Variants in RBM4B observed in about 807,000 individuals in gnomAD.
RBM4B encodes RNA-binding protein 4B.
RBM4B carries 13 observed loss-of-function variants against 28.5 expected under a neutral mutation model. That is an observed-to-expected ratio of 0.46 (90% CI 0.30 to 0.72). The LOEUF (loss-of-function observed/expected upper bound fraction) is 0.72. Among genes scored for constraint, RBM4B ranks in the 30% least tolerant of loss-of-function variants. The pLI is 0.09. For synonymous variants in RBM4B, 167 were observed against 179.1 expected (o/e 0.93, Z 0.54); for missense variants, 387 against 477.6 (o/e 0.81, Z 1.77).
rs569776949 is a variant in RBM4B, at chr11:66,668,750, C to G, written c.954G>C (p.Glu318Asp). ...CACTCTCTGGCCCATAACCGTAGCC[C>G]TCTCCAACTGTGGGGAGCATGGCTG... ...RAAAMLPTVGEGYGYGPESEL... is the reference protein window; with the variant it reads ...RAAAMLPTVGDGYGYGPESEL... Residue 318 changes from glutamate to aspartate, a missense_variant, in exon 3 of 4, where the codon GAG becomes GAC. This residue lies in a region of RBM4B where 226 missense variants were observed against 220.6 expected (regional missense o/e 1.02). Transcript: ENST00000310046. 5 of 1,614,222 alleles carry G rather than the reference C, an allele frequency of 3.1e-6. No homozygotes were observed. Among genetic ancestry groups the G allele is most frequent in the Non-Finnish European group, 3.4e-6 (4 of 1,180,032 alleles).
intron 2 of RBM4B, chr11:66,675,794 C>G (rs1244338940): frequency 6.6e-6 from 1 of 152,192 alleles, no homozygotes. Flanking sequence ...CTCATGACTA[C>G]TGAGTGCTTG....
rs147572851 is a variant in RBM4B at position 66,676,745 on chromosome 11, T to C, written c.335A>G (p.Asp112Gly). The C allele has an allele frequency of 6.9e-4, 1,106 of 1,614,168 alleles. No homozygotes were observed. Among genetic ancestry groups the C allele is most frequent in the Admixed American group, 1.3e-3 (76 of 60,024 alleles). The change falls in exon 2 of 4, where the codon GAT (aspartate) becomes GGT (glycine). Residue 112 changes from aspartate to glycine, a missense_variant. Asp to Gly is a moderately conservative substitution (Grantham distance 94). This residue lies in a region of RBM4B where 161 missense variants were observed against 256.9 expected (regional missense o/e 0.63). Transcript: ENST00000310046. Reference protein sequence around the residue: ...GPVIECDIVKDYAFVHMERAE... With the variant: ...GPVIECDIVKGYAFVHMERAE... ...CCGCTCCATGTGTACGAAGGCATAA[T>C]CTTTCACGATGTCACATTCGATGAC...
chr11:66,665,998 ATG>A (rs1457519488), intron 3 of RBM4B: 1 of 1,468,064 alleles, frequency 6.8e-7, no homozygotes, highest in Non-Finnish European at 9.2e-7. Flanking sequence ...ACTATTCTAA[ATG>A]TGTTTTGTTT....
rs540635456 is a variant in RBM4B at position 66,665,486 on chromosome 11, T to C, written c.*102A>G. On this transcript the variant is annotated 3_prime_UTR_variant, in exon 4 of 4. Coordinates refer to ENST00000310046, the MANE Select transcript of RBM4B (RefSeq NM_031492.4). ...CAAACTCCTTTTGTTTACTGAAACA[T>C]GAAGCAATGGAAACATCCCGGCAAA... The C allele has an allele frequency of 2.0e-4, 185 of 930,450 alleles. 1 individual carries two copies. The South Asian group carries it at 2.4e-3, about 12-fold the overall frequency. 57.6% of individuals were successfully genotyped at this position (930,450 alleles called of 1,614,324 possible). A position where few individuals can be genotyped will look rare whatever the true frequency, so the allele number is the denominator to read the frequency against.
chr11:66,677,589 C>A (rs1055168200), intron 1 of RBM4B, 175 bp downstream of exon 1: 8 of 156,568 alleles, frequency 5.1e-5, no homozygotes, highest in African/African-American at 1.9e-4. Flanking sequence ...AACAAAGACT[C>A]GACCCGACCC....
At chr11:66,677,150 T>G (rs1939665153) in intron 1 of RBM4B, 59 bp from the exon 2 acceptor site, 1 of 1,565,280 alleles carries the variant, frequency 6.4e-7, no homozygotes, top group Non-Finnish European at 8.7e-7. Flanking sequence ...TTCGGTGCAC[T>G]GCAGCATTTT....
chr11:66,677,142 C>T, intron 1 of RBM4B, 51 bp from the exon 2 acceptor site: 5 of 1,577,550 alleles, frequency 3.2e-6, no homozygotes, highest in Non-Finnish European at 4.3e-6. Context: ...TGGGAAATTT[C>T]GGTGCACTGC....
intron 3 of RBM4B, 55 bp downstream of exon 3, chr11:66,668,560 G>A (rs1939335011): frequency 1.3e-5 from 19 of 1,424,430 alleles, no homozygotes; most frequent in Non-Finnish European, 1.8e-5. Context: ...TGAAGCATGG[G>A]TCTCTTTCAA....
intron 2 of RBM4B, among the ~76,000 whole-genome samples, chr11:66,672,176 G>T (rs1226923232): frequency 6.6e-6 from 1 of 151,868 alleles, no homozygotes; most frequent in African/African-American, 2.4e-5. Context: ...GGAGGCTGAG[G>T]TGAGCCAATC....
intron 2 of RBM4B, among the ~76,000 whole-genome samples, chr11:66,672,940 A>G (rs1294872733): frequency 1.3e-5 from 2 of 152,240 alleles, no homozygotes; most frequent in African/African-American, 4.8e-5. Flanking sequence ...AAGTAGGCCA[A>G]AAGCTTAAAA....
Position 66,668,746 on chromosome 11 carries a change from A to T in RBM4B, c.958T>A (p.Tyr320Asn). ...AATTCACTCTCTGGCCCATAACCGT[A>T]GCCCTCTCCAACTGTGGGGAGCATG... ...AAMLPTVGEGYGYGPESELSQ... is the reference protein window; with the variant it reads ...AAMLPTVGEGNGYGPESELSQ... Residue 320 changes from tyrosine (Y) to asparagine (N), a missense_variant, in exon 3 of 4, where the codon TAC becomes AAC. By Grantham distance (143) the Tyr-to-Asn change is moderately radical (BLOSUM62 -2). This residue lies in a region of RBM4B where 226 missense variants were observed against 220.6 expected (regional missense o/e 1.02). Coordinates refer to ENST00000310046, the MANE Select transcript of RBM4B (RefSeq NM_031492.4). The T allele has an allele frequency of 6.2e-7, 1 of 1,614,206 alleles. No homozygotes were observed. Among genetic ancestry groups the T allele is most frequent in the Non-Finnish European group, 8.5e-7 (1 of 1,180,032 alleles).
At position 66,676,493 on chromosome 11, in the gene RBM4B, G is replaced by A; in HGVS notation, c.412+175C>T. 4 of 741,238 alleles carry A rather than the reference G, an allele frequency of 5.4e-6. No individual in the cohort carries two copies. The Admixed American group carries it at 8.9e-5, about 16-fold the overall frequency. 45.9% of individuals were successfully genotyped at this position (741,238 alleles called of 1,614,324 possible). ...GCAACATCTTAGCAAACCTGAAAAG[G>A]GGAAGTGTTTGCTTCCCCAGGGGTA... is the stretch of plus-strand genomic sequence containing the variant. On this transcript the variant is annotated intron_variant, in intron 2 of 3. Coordinates refer to ENST00000310046, the MANE Select transcript of RBM4B (RefSeq NM_031492.4).
intron 3 of RBM4B, chr11:66,666,194 C>T (rs1016840313): frequency 4.7e-6 from 4 of 854,718 alleles, no homozygotes; most frequent in Non-Finnish European, 6.5e-6. Flanking sequence ...AGAAATCATT[C>T]CTAGAATTCT....
rs1939641804 is a variant in RBM4B at position 66,676,552 on chromosome 11, AT to A, written c.412+115del. 2.5e-6 allele frequency: 3 copies of A among 1,213,166 alleles called. No homozygotes were observed. The East Asian group carries it at 7.1e-5, about 29-fold the overall frequency. The allele number at this position is 1,213,166 out of a possible 1,614,324, so 75.2% of individuals were successfully genotyped here. ...TTAAGAGCGGTAAACATAATCTATT[AT>A]TTCCAGCTAAAACAGAATGGAAGAG... On this transcript the variant is annotated intron_variant, in intron 2 of 3. Transcript: ENST00000310046.
chr11:66,665,709 G>A, intron 3 of RBM4B, 131 bp from the exon 4 acceptor site: 1 of 1,441,776 alleles, frequency 6.9e-7, no homozygotes, highest in Non-Finnish European at 9.3e-7. Flanking sequence ...AAGTCAGACT[G>A]GATCTAACTC....
At position 66,669,078 on chromosome 11, in the gene RBM4B, A is replaced by C. The variant is rs375176983; in HGVS notation, c.626T>G (p.Met209Arg). ...TGCTCCATATGCATCGTTGTAATACATGGATTCCCCGTAGCCCATGGTGTA... is the reference window on the plus strand; with the variant it reads ...TGCTCCATATGCATCGTTGTAATACCTGGATTCCCCGTAGCCCATGGTGTA... ...TPYTMGYGES[M>R]YYNDAYGALD... The change falls in exon 3 of 4, where the codon ATG (methionine) becomes AGG (arginine). Residue 209 changes from methionine (M) to arginine (R), a missense_variant. By Grantham distance (91) the Met-to-Arg change is moderately conservative. Coordinates refer to ENST00000310046, the MANE Select transcript of RBM4B (RefSeq NM_031492.4). 3.7e-6 allele frequency: 6 copies of C among 1,614,042 alleles called. No homozygotes were observed. The African/African-American group carries it at 8.0e-5, about 22-fold the overall frequency.
At chr11:66,670,065 A>C (rs1939412769) in intron 2 of RBM4B, among the ~76,000 whole-genome samples, 1 of 152,156 alleles carries the variant, frequency 6.6e-6, no homozygotes, top group Non-Finnish European at 1.5e-5. Context: ...CTGCTTAAAA[A>C]CCACATCAAT....
chr11:66,677,255 G>C, intron 1 of RBM4B, 164 bp from the exon 2 acceptor site: 1 of 869,190 alleles, frequency 1.2e-6, no homozygotes, highest in Middle Eastern at 3.3e-4. Flanking sequence ...TTCTCGAGAA[G>C]TGCGAGCTAT....
chr11:66,665,484 C>T lies in RBM4B; in HGVS notation c.*104G>A. ...CACAAACTCCTTTTGTTTACTGAAA[C>T]ATGAAGCAATGGAAACATCCCGGCA... On this transcript the variant is annotated 3_prime_UTR_variant, in exon 4 of 4. Transcript: ENST00000310046. 1 of 921,868 alleles carries T rather than the reference C, an allele frequency of 1.1e-6. No individual in the cohort carries two copies. The highest frequency in any genetic ancestry group is 1.4e-5 in the South Asian group (1 of 70,126). The allele number at this position is 921,868 out of a possible 1,614,324, so 57.1% of individuals were successfully genotyped here. A position where few individuals can be genotyped will look rare whatever the true frequency, so the allele number is the denominator to read the frequency against.
Sources: allele counts gnomAD v4.1 joint callset (sites outside exome capture counted in the v4.1 genomes callset), GRCh38; gene constraint gnomAD v4.1.1; regional missense constraint gnomAD v4.1.1; transcripts MANE v1.5; gene names NCBI Gene and HGNC (gene_info 2026-07-23, HGNC 2026-07-21).